Variants in CFH observed in about 807,000 individuals in gnomAD.
CFH encodes H factor 1 (complement).
In CFH, 53 loss-of-function variants were observed where a neutral mutation model predicts 147.3. That is an observed-to-expected ratio of 0.36 (90% CI 0.29 to 0.45). The LOEUF is 0.45. Ranked by LOEUF, CFH falls within the 20% of genes least tolerant of loss-of-function variation. The pLI, the probability that CFH is intolerant of heterozygous loss-of-function variation, is 1.00. For missense variants in CFH, 1,380 were observed against 1,498.0 expected, an observed-to-expected ratio of 0.92 and a Z score of 1.30; for synonymous variants, 536 against 489.4, an observed-to-expected ratio of 1.10 and a Z score of -1.26.
chr1:196,702,935 G>T (rs1026538607), intron 9 of CFH, among the ~76,000 whole-genome samples: 2 of 152,100 alleles, frequency 1.3e-5, no homozygotes, highest in African/African-American at 4.8e-5. Flanking sequence ...AGCTTTCAGA[G>T]AATAAATGGA....
chr1:196,667,096 C>A (rs968022891), intron 1 of CFH, among the ~76,000 whole-genome samples: 3 of 152,106 alleles, frequency 2.0e-5, no homozygotes, highest in Admixed American at 1.3e-4. Flanking sequence ...AAATCTCAAA[C>A]TATGATGGTG....
At chr1:196,730,138 T>C (rs752012969) in intron 15 of CFH, among the ~76,000 whole-genome samples, 6 of 151,856 alleles carry the variant, frequency 4.0e-5, no homozygotes, top group Non-Finnish European at 5.9e-5. Flanking sequence ...TTGACTAGTT[T>C]GTTCATGTTT....
chr1:196,660,483 C>CT (rs1361173360), intron 1 of CFH, among the ~76,000 whole-genome samples: 1 of 152,092 alleles, frequency 6.6e-6, no homozygotes, highest in African/African-American at 2.4e-5. Context: ...TGTGAATAGA[C>CT]TGAAGTAACA....
chr1:196,677,386 C>A lies in CFH; in HGVS notation c.428-90C>A. The stretch of plus-strand genomic sequence containing the variant: ...AATAATTTAAGTAATTTCCTCCAAT[C>A]TTATCCTGAGGATGATTTTATACAT... On this transcript the variant is annotated intron_variant, in intron 4 of 21. Coordinates refer to ENST00000367429, the MANE Select transcript of CFH (RefSeq NM_000186.4). The A allele has an allele frequency of 4.2e-6, 5 of 1,203,950 alleles. No individual in the cohort carries two copies. The South Asian group carries it at 6.4e-5, about 15-fold the overall frequency. The allele number at this position is 1,203,950 out of a possible 1,614,324, so 74.6% of individuals were successfully genotyped here. A position where few individuals can be genotyped will look rare whatever the true frequency, so the allele number is the denominator to read the frequency against.
intron 4 of CFH, 52 bp from the exon 5 acceptor site, chr1:196,677,424 C>G: frequency 6.5e-7 from 1 of 1,527,860 alleles, no homozygotes; most frequent in Non-Finnish European, 9.1e-7. Flanking sequence ...ACATATTTTT[C>G]ACAATAAACT....
intron 9 of CFH, among the ~76,000 whole-genome samples, chr1:196,699,823 G>T (rs946355620): frequency 1.3e-5 from 2 of 152,056 alleles, no homozygotes; most frequent in African/African-American, 4.8e-5. Context: ...AACAGTTAAG[G>T]AGGAAAAAGT....
intron 9 of CFH, chr1:196,700,766 C>T (rs938076281): frequency 1.0e-6 from 1 of 971,328 alleles, no homozygotes; most frequent in South Asian, 4.8e-5. Flanking sequence ...GAGAGAAGCT[C>T]AAGAAGCTGC....
At chr1:196,724,995 A>G in intron 11 of CFH, 126 bp from the exon 12 acceptor site, 1 of 722,630 alleles carries the variant, frequency 1.4e-6, no homozygotes, top group Admixed American at 2.5e-5. Flanking sequence ...CTTTACAGGG[A>G]AAAGGATTTA....
chr1:196,741,109 A>G (rs1167377644), intron 18 of CFH: 1 of 348,006 alleles, frequency 2.9e-6, no homozygotes, highest in Non-Finnish European at 5.4e-6. Flanking sequence ...CAGTTTATCA[A>G]CAATCTGCCT....
Position 196,656,320 on chromosome 1 carries a change from A to AAAAG in CFH, c.58+4165_58+4168dup, listed in dbSNP as rs551394238. On this transcript the variant is annotated intron_variant, in intron 1 of 21. Coordinates refer to ENST00000367429, the MANE Select transcript of CFH (RefSeq NM_000186.4). Reference sequence around the variant, plus strand: ...TTCCATCTCAAAAAGAAAAAAAAAAAAAAGAAAGAAAGAAAGAAAGAAAAG... The same window carrying AAAAG: ...TTCCATCTCAAAAAGAAAAAAAAAAAAAAGAAAGAAAGAAAGAAAGAAAGAAAAG... 9.6e-3 allele frequency among the ~76,000 whole-genome samples: 1,446 copies of AAAAG among 151,234 alleles called. 12 individuals carry two copies. The highest frequency in any genetic ancestry group is 0.015 in the Non-Finnish European group (989 of 67,842).
rs1170069737 is a variant in CFH, at chr1:196,689,597, C to T, written c.1142C>T (p.Pro381Leu). The T allele has an allele frequency of 4.3e-6, 7 of 1,613,230 alleles. No homozygotes were observed. The highest frequency in any genetic ancestry group is 1.3e-5 in the African/African-American group (1 of 74,824). The change falls in exon 8 of 22, where the codon CCA becomes CTA. Residue 381 changes from proline (P) to leucine (L), a missense_variant. Pro to Leu is a moderately conservative substitution (Grantham distance 98, BLOSUM62 -3). Around this residue, in one of 4 missense-constraint regions of CFH, gnomAD observed 167 missense variants for 228.0 expected, o/e 0.73. Transcript: ENST00000367429. Reference protein sequence around the residue: ...HIHCTQDGWSPAVPCLRKCYF... With the variant: ...HIHCTQDGWSLAVPCLRKCYF... Reference sequence around the variant, plus strand: ...CATTGCACACAAGATGGATGGTCGCCAGCAGTACCATGCCTCAGTAAGTAA... The same window carrying T: ...CATTGCACACAAGATGGATGGTCGCTAGCAGTACCATGCCTCAGTAAGTAA...
At position 196,726,668 on chromosome 1, in the gene CFH, T is replaced by C. The variant is rs777352172; in HGVS notation, c.2056+16T>C. The C allele has an allele frequency of 1.8e-5, 29 of 1,605,956 alleles. No homozygotes were observed. The Admixed American group carries it at 4.5e-4, about 25-fold the overall frequency. On this transcript the variant is annotated intron_variant, in intron 13 of 21. Coordinates refer to ENST00000367429, the MANE Select transcript of CFH (RefSeq NM_000186.4). ...GTGTGTATTGGTAATGTATAAAATA[T>C]TAATATTTAAACTTGTCAAAACTTT...
At chr1:196,652,398 TA>T (rs1666531219) in intron 1 of CFH, among the ~76,000 whole-genome samples, 2 of 151,890 alleles carry the variant, frequency 1.3e-5, no homozygotes, top group South Asian at 4.1e-4. Flanking sequence ...TAAAATAGAA[TA>T]AAATGTTTTA....
At chr1:196,688,153 A>T (rs1163073794) in intron 7 of CFH, among the ~76,000 whole-genome samples, 1 of 152,018 alleles carries the variant, frequency 6.6e-6, no homozygotes, top group South Asian at 2.1e-4. Context: ...ATTTCATGGA[A>T]AACATTAATA....
intron 2 of CFH, 65 bp from the exon 3 acceptor site, chr1:196,673,792 C>A: frequency 1.1e-6 from 1 of 950,110 alleles, no homozygotes; most frequent in Non-Finnish European, 1.7e-6. Flanking sequence ...CTTGTTCCCC[C>A]ACTCCTACAT....
intron 1 of CFH, among the ~76,000 whole-genome samples, chr1:196,658,140 A>G (rs1216991125): frequency 1.3e-5 from 2 of 152,144 alleles, no homozygotes; most frequent in African/African-American, 2.4e-5. Flanking sequence ...CCAAAATTAT[A>G]TAACTATTTT....
rs561079159 is a variant in CFH, at chr1:196,743,700, T to C, written c.3310+72T>C. The stretch of plus-strand genomic sequence containing the variant: ...TTAAAATATGTTGATTTAAACAAAA[T>C]GAAGTCATTTTTATTAATAGATTTT... On this transcript the variant is annotated intron_variant, in intron 20 of 21. Transcript: ENST00000367429. The C allele has an allele frequency of 2.7e-4, 431 of 1,597,476 alleles. 1 individual carries two copies. In the African/African-American group the frequency reaches 5.4e-3, roughly 20 times the overall value.
intron 9 of CFH, among the ~76,000 whole-genome samples, chr1:196,708,852 T>G (rs544828264): frequency 6.6e-6 from 1 of 152,256 alleles, no homozygotes; most frequent in South Asian, 2.1e-4. Context: ...TATCAATATA[T>G]CTGGTGGCAG....
chr1:196,743,436 T>C lies in CFH; in HGVS notation c.3134-16T>C. On this transcript the variant is annotated splice_polypyrimidine_tract_variant and intron_variant, in intron 19 of 21. Transcript: ENST00000367429. ...AATGAACACTAGGTGGAACCACTTC[T>C]TTTTTTTCTATTCAGACACCTCCTG... 1.9e-6 allele frequency: 3 copies of C among 1,613,586 alleles called. No homozygotes were observed. Among genetic ancestry groups the C allele is most frequent in the South Asian group, 1.1e-5 (1 of 91,068 alleles).
Sources: allele counts gnomAD v4.1 joint callset (sites outside exome capture counted in the v4.1 genomes callset), GRCh38; gene constraint gnomAD v4.1.1; regional missense constraint gnomAD v4.1.1; transcripts MANE v1.5; gene names NCBI Gene and HGNC (gene_info 2026-07-23, HGNC 2026-07-21).